Variants in ADGRL2 observed in about 807,000 individuals in gnomAD.
ADGRL2 encodes the protein calcium-independent alpha-latrotoxin receptor 2.
In ADGRL2, 44 loss-of-function variants were observed where a neutral mutation model predicts 157.4. The observed-to-expected ratio is 0.28, with a 90% CI of 0.22 to 0.36. ADGRL2 has a LOEUF of 0.36. Ranked by LOEUF, ADGRL2 falls within the 10% of genes least tolerant of loss-of-function variation. The pLI, the probability that ADGRL2 is intolerant of heterozygous loss-of-function variation, is 1.00. For synonymous variants in ADGRL2, 585 were observed against 624.7 expected (o/e 0.94, Z 0.95); for missense variants, 1,510 against 1,768.9 (o/e 0.85, Z 2.63).
intron 2 of ADGRL2, among the ~76,000 whole-genome samples, chr1:81,504,587 G>A (rs1380838258): frequency 1.3e-5 from 2 of 152,124 alleles, no homozygotes; most frequent in Non-Finnish European, 2.9e-5. Flanking sequence ...CGGCCCCTCT[G>A]GCCCTTCCCT....
chr1:81,411,826 G>T (rs2076950248), intron 1 of ADGRL2, among the ~76,000 whole-genome samples: 1 of 150,932 alleles, frequency 6.6e-6, no homozygotes, highest in African/African-American at 2.4e-5. Context: ...CTTGCAGTGA[G>T]CTGAGATCGC....
Position 81,521,973 on chromosome 1 carries a change from T to G in ADGRL2, c.-247-58903T>G, listed in dbSNP as rs114800046. On this transcript the variant is annotated intron_variant, in intron 2 of 24. Coordinates refer to the ADGRL2 transcript ENST00000370721. ...TATAATAAATGTACTTTTTGTTTTT[T>G]TTTTTTTTTGAGAAAGAGACTTGTT... Among the ~76,000 whole-genome samples, 1,255 of 151,272 alleles carry G rather than the reference T, an allele frequency of 8.3e-3. 17 individuals carry two copies. Among genetic ancestry groups the G allele is most frequent in the African/African-American group, 0.027 (1,100 of 40,812 alleles).
At chr1:81,966,676 G>A in intron 13 of ADGRL2, 67 bp downstream of exon 13, 1 of 1,380,904 alleles carries the variant, frequency 7.2e-7, no homozygotes, top group Non-Finnish European at 1.0e-6. Context: ...AAGCAAAACT[G>A]AGGTGCTGGG....
At chr1:81,337,488 A>G (rs1225866477) in intron 1 of ADGRL2, among the ~76,000 whole-genome samples, 1 of 152,184 alleles carries the variant, frequency 6.6e-6, no homozygotes, top group Non-Finnish European at 1.5e-5. Context: ...TAAACAAGCC[A>G]TCCCCTTCAT....
intron 4 of ADGRL2, 117 bp downstream of exon 4, chr1:81,936,954 A>T (rs888516146): frequency 1.3e-5 from 8 of 613,908 alleles, no homozygotes; most frequent in East Asian, 1.1e-4. Flanking sequence ...ATGTATGCAG[A>T]GCACTAACAG....
chr1:81,501,179 A>T (rs1281871566), intron 2 of ADGRL2, among the ~76,000 whole-genome samples: 3 of 152,228 alleles, frequency 2.0e-5, no homozygotes, highest in African/African-American at 7.2e-5. Flanking sequence ...TTTAATAGAG[A>T]AATGCAAGTA....
chr1:81,985,046 A>G (rs989062494), intron 20 of ADGRL2, among the ~76,000 whole-genome samples: 1 of 152,076 alleles, frequency 6.6e-6, no homozygotes, highest in African/African-American at 2.4e-5. Flanking sequence ...ATAAAGTAAC[A>G]TGTTTTTAAG....
At chr1:81,324,580 G>A (rs1660760400) in intron 1 of ADGRL2, among the ~76,000 whole-genome samples, 2 of 149,654 alleles carry the variant, frequency 1.3e-5, no homozygotes, top group African/African-American at 2.4e-5. Flanking sequence ...AATTATATAT[G>A]TTAAAAATTA....
intron 2 of ADGRL2, among the ~76,000 whole-genome samples, chr1:81,898,035 A>G (rs904093479): frequency 3.9e-5 from 6 of 152,158 alleles, no homozygotes; most frequent in Non-Finnish European, 7.3e-5. Flanking sequence ...GCTTGAGCCT[A>G]GAAGCTTGGG....
intron 2 of ADGRL2, among the ~76,000 whole-genome samples, chr1:81,448,337 G>C (rs2077640441): frequency 6.6e-6 from 1 of 150,996 alleles, no homozygotes; most frequent in Non-Finnish European, 1.5e-5. Flanking sequence ...GTAGAGACGG[G>C]GTTTCACCAT....
chr1:81,815,171 T>G (rs1296375855), intron 1 of ADGRL2, among the ~76,000 whole-genome samples: 1 of 151,826 alleles, frequency 6.6e-6, no homozygotes, highest in Non-Finnish European at 1.5e-5. Flanking sequence ...TTTAGAAAAT[T>G]TATTAATTTT....
chr1:81,460,336 T>G (rs2101799101), intron 2 of ADGRL2, among the ~76,000 whole-genome samples: 1 of 152,060 alleles, frequency 6.6e-6, no homozygotes, highest in African/African-American at 2.4e-5. Context: ...TTGTGTCTAT[T>G]ATATATCATA....
At chr1:81,437,741 G>GT (rs1400344229) in intron 1 of ADGRL2, among the ~76,000 whole-genome samples, 1 of 152,168 alleles carries the variant, frequency 6.6e-6, no homozygotes, top group Non-Finnish European at 1.5e-5. Flanking sequence ...AGCTTAAGCT[G>GT]TTTTCATTTG....
chr1:81,488,206 T>G (rs924532909), intron 2 of ADGRL2, among the ~76,000 whole-genome samples: 4 of 152,178 alleles, frequency 2.6e-5, no homozygotes, highest in African/African-American at 9.7e-5. Context: ...TGAAAGTGAC[T>G]ATGTATGTCC....
chr1:81,787,147 C>G (rs192072688), intron 2 of ADGRL2, among the ~76,000 whole-genome samples: 2 of 152,154 alleles, frequency 1.3e-5, no homozygotes, highest in East Asian at 1.9e-4. Context: ...AAGCCTCCCC[C>G]GCCATGTGGA....
At chr1:81,350,796 T>C (rs562893050) in intron 1 of ADGRL2, among the ~76,000 whole-genome samples, 1 of 152,186 alleles carries the variant, frequency 6.6e-6, no homozygotes, top group Non-Finnish European at 1.5e-5. Context: ...TTGACTGTGA[T>C]GGAGCATTAG....
At chr1:81,917,377 C>A (rs1389056857) in intron 3 of ADGRL2, among the ~76,000 whole-genome samples, 1 of 151,926 alleles carries the variant, frequency 6.6e-6, no homozygotes, top group South Asian at 2.1e-4. Context: ...AAGATCCATT[C>A]TTTTTTCTTT....
chr1:81,520,320 G>A (rs1216964057), intron 2 of ADGRL2, among the ~76,000 whole-genome samples: 2 of 151,992 alleles, frequency 1.3e-5, no homozygotes, highest in African/African-American at 4.8e-5. Context: ...AATTATATTA[G>A]GTAGGATTTG....
At chr1:81,957,550 G>GA (rs925621125) in intron 11 of ADGRL2, among the ~76,000 whole-genome samples, 17 of 150,738 alleles carry the variant, frequency 1.1e-4, no homozygotes, top group African/African-American at 3.4e-4. Context: ...AATACGCCAA[G>GA]AAAAAAAAAT....
Sources: gnomAD v4.1 joint callset for allele counts (sites outside exome capture counted in the v4.1 genomes callset) on GRCh38, gnomAD v4.1.1 for gene constraint, MANE v1.5 for transcripts, NCBI Gene and HGNC (gene_info 2026-07-23, HGNC 2026-07-21) for gene names.